EP300: variants seen among roughly 807,000 people sequenced by gnomAD.
EP300 encodes the protein histone acetyltransferase p300.
EP300 carries 31 observed loss-of-function variants against 264.0 expected under a neutral mutation model. The observed-to-expected ratio is 0.12, with a 90% CI of 0.09 to 0.16. The LOEUF (loss-of-function observed/expected upper bound fraction) is 0.16, where lower values mean the gene tolerates loss of function less well. EP300 is among the 10% of genes least tolerant of loss of function. EP300 has a pLI of 1.00. For missense variants in EP300, 2,766 were observed against 3,052.9 expected (o/e 0.91, Z 2.21); for synonymous variants, 1,340 against 1,045.4 (o/e 1.28, Z -5.44).
At chr22:41,135,944 C>G (rs2058948364) in intron 7 of EP300, 38 bp downstream of exon 7, 1 of 1,401,828 alleles carries the variant, frequency 7.1e-7, no homozygotes, top group Non-Finnish European at 1.0e-6. Context: ...GGTCACATTA[C>G]AAATACTACT....
rs2145744430 is a variant in EP300, at chr22:41,154,975, A to G, written c.3143-20A>G. ...CTGCTTAATTGGTAACTAATTTCAA[A>G]TGCACTTTTTTTTTTTAAGTTTTCA... On this transcript the variant is annotated intron_variant, in intron 16 of 30. Transcript: ENST00000263253. 1 of 1,520,358 alleles carries G rather than the reference A, an allele frequency of 6.6e-7. No individual in the cohort carries two copies. Among genetic ancestry groups the G allele is most frequent in the African/African-American group, 1.4e-5 (1 of 73,204 alleles). 94.2% of individuals were successfully genotyped at this position (1,520,358 alleles called of 1,614,324 possible).
chr22:41,126,101 T>G, intron 3 of EP300, 61 bp downstream of exon 3: 1 of 1,551,292 alleles, frequency 6.4e-7, no homozygotes, highest in Non-Finnish European at 8.9e-7. Flanking sequence ...AGAATTGTGT[T>G]AAACTTTCAC....
intron 1 of EP300, among the ~76,000 whole-genome samples, chr22:41,102,139 A>G (rs763335075): frequency 2.6e-5 from 4 of 151,906 alleles, no homozygotes; most frequent in African/African-American, 4.8e-5. Flanking sequence ...AGAGTTGACA[A>G]GATGGCAGTT....
rs2145752464 is a variant in EP300, at chr22:41,160,686, G to C, written c.3635G>C (p.Ser1212Thr). Residue 1212 changes from serine (S) to threonine (T), a missense_variant, in exon 20 of 31, where the codon AGC becomes ACC. Physicochemically the swap from Ser to Thr is moderately conservative, Grantham distance 58. Coordinates refer to ENST00000263253, the MANE Select transcript of EP300 (RefSeq NM_001429.4). ...TGTTTCAATGAGATCCAAGGGGAGA[G>C]CGTTTCTTTGGGGGATGACCCTTCC... ...EKCFNEIQGE[S>T]VSLGDDPSQP... 1 of 1,614,106 alleles carries C rather than the reference G, an allele frequency of 6.2e-7. No homozygotes were observed.
At chr22:41,172,773 C>CT in intron 28 of EP300, 110 bp downstream of exon 28, 1 of 1,188,094 alleles carries the variant, frequency 8.4e-7, no homozygotes, top group Non-Finnish European at 1.2e-6. Flanking sequence ...TAAAAGAGCT[C>CT]TTTAAGTTGG....
At chr22:41,108,848 T>A (rs995217656) in intron 1 of EP300, among the ~76,000 whole-genome samples, 1 of 152,226 alleles carries the variant, frequency 6.6e-6, no homozygotes, top group Non-Finnish European at 1.5e-5. Context: ...TTTGTGATAC[T>A]GTTTTTTAAT....
chr22:41,139,441 TTATTATA>T (rs2058969834), intron 8 of EP300, among the ~76,000 whole-genome samples: 1 of 152,206 alleles, frequency 6.6e-6, no homozygotes, highest in African/African-American at 2.4e-5. Flanking sequence ...CGTTAAAAGT[TTATTATA>T]TATGCTCGAG....
intron 1 of EP300, among the ~76,000 whole-genome samples, chr22:41,095,935 A>C (rs1191570588): frequency 6.6e-6 from 1 of 152,204 alleles, no homozygotes; most frequent in Non-Finnish European, 1.5e-5. Flanking sequence ...ATTGCTGTTT[A>C]ATACTCAGAT....
Position 41,167,578 on chromosome 22 carries a change from GTGTGTGTATATATATATATATA to G in EP300, c.3875-869_3875-848del, listed in dbSNP as rs1269239707. 9.0e-4 allele frequency among the ~76,000 whole-genome samples: 25 copies of G among 27,688 alleles called. No individual in the cohort carries two copies. In the South Asian group the frequency reaches 0.011, roughly 12 times the overall value. 18.2% of individuals were successfully genotyped at this position (27,688 alleles called of 152,430 possible). ...TATATATTTGTGTGTGTGTGTGTGT[GTGTGTGTATATATATATATATA>G]TATATATATATATATATATATATAT... is the stretch of plus-strand genomic sequence containing the variant. On this transcript the variant is annotated intron_variant, in intron 23 of 30. Coordinates refer to ENST00000263253, the MANE Select transcript of EP300 (RefSeq NM_001429.4).
chr22:41,178,597 G>A lies in EP300; in HGVS notation c.6886G>A (p.Gly2296Ser). 8 of 1,614,034 alleles carry A rather than the reference G, an allele frequency of 5.0e-6. No individual in the cohort carries two copies. Among genetic ancestry groups the A allele is most frequent in the Non-Finnish European group, 6.8e-6 (8 of 1,180,004 alleles). ...TCAGGCCCAGTCCCCACACCTACAAGGCCAGCAGATCCCTAATTCTCTCTC... is the reference window on the plus strand; with the variant it reads ...TCAGGCCCAGTCCCCACACCTACAAAGCCAGCAGATCCCTAATTCTCTCTC... ...PNQAQSPHLQ[G>S]QQIPNSLSNQ... Residue 2296 changes from glycine (G) to serine (S), a missense_variant, in exon 31 of 31, where the codon GGC (glycine) becomes AGC (serine). Gly to Ser is a moderately conservative substitution (Grantham distance 56). Coordinates refer to ENST00000263253, the MANE Select transcript of EP300 (RefSeq NM_001429.4).
intron 1 of EP300, among the ~76,000 whole-genome samples, chr22:41,114,411 G>T (rs146119739): frequency 6.6e-6 from 1 of 152,146 alleles, no homozygotes; most frequent in African/African-American, 2.4e-5. Context: ...TGCTGAGCTC[G>T]AGCCGTCTGC....
intron 5 of EP300, among the ~76,000 whole-genome samples, chr22:41,130,553 CAAAA>C (rs887249753): frequency 1.4e-5 from 2 of 147,492 alleles, no homozygotes; most frequent in Non-Finnish European, 1.5e-5. Context: ...CAAAACAAAA[CAAAA>C]AAAACAACTG....
intron 29 of EP300, 104 bp from the exon 30 acceptor site, chr22:41,176,143 C>T (rs1361463932): frequency 2.2e-6 from 3 of 1,348,644 alleles, no homozygotes; most frequent in Non-Finnish European, 3.1e-6. Context: ...TTGCTTGAGC[C>T]CAGGAGGCAG....
At chr22:41,170,953 G>A (rs1357591140) in intron 27 of EP300, among the ~76,000 whole-genome samples, 55 of 145,352 alleles carry the variant, frequency 3.8e-4, no homozygotes, top group Non-Finnish European at 7.2e-4. Flanking sequence ...ATGAGCCACC[G>A]TGCCCAGCCT....
chr22:41,149,293 AAT>A lies in EP300; in HGVS notation c.2379+120_2379+121del, dbSNP rs2059029600. 9.5e-6 allele frequency: 12 copies of A among 1,262,382 alleles called. 1 individual carries two copies. The South Asian group carries it at 1.5e-4, about 16-fold the overall frequency. The allele number at this position is 1,262,382 out of a possible 1,614,324, so 78.2% of individuals were successfully genotyped here. On this transcript the variant is annotated intron_variant, in intron 13 of 30. Coordinates refer to ENST00000263253, the MANE Select transcript of EP300 (RefSeq NM_001429.4). ...GGTGAAAACAGATGATTTTTTAAAA[AAT>A]AACAATTTTGGACTTAGGGTATTCT... is the stretch of plus-strand genomic sequence containing the variant.
At chr22:41,106,748 A>T (rs997225701) in intron 1 of EP300, among the ~76,000 whole-genome samples, 2 of 134,052 alleles carry the variant, frequency 1.5e-5, no homozygotes, top group African/African-American at 5.7e-5. Flanking sequence ...TAGCTGCACC[A>T]CCATGCCTGG....
At chr22:41,167,824 T>G (rs2059148043) in intron 23 of EP300, among the ~76,000 whole-genome samples, 3 of 34,002 alleles carry the variant, frequency 8.8e-5, no homozygotes, top group Non-Finnish European at 1.2e-4. Flanking sequence ...GTTTTTTTTT[T>G]TGTTTTTTTT....
chr22:41,177,407 G>T lies in EP300; in HGVS notation c.5696G>T (p.Gly1899Val), dbSNP rs1456530371. The change falls in exon 31 of 31, where the codon GGT becomes GTT. Residue 1899 changes from glycine (G) to valine (V), a missense_variant. Physicochemically the swap from Gly to Val is moderately radical, Grantham distance 109. Coordinates refer to ENST00000263253, the MANE Select transcript of EP300 (RefSeq NM_001429.4). ...RTQAAGPVSQGKAAGQVTPPT... is the reference protein window; with the variant it reads ...RTQAAGPVSQVKAAGQVTPPT... ...CAAGCTGCTGGCCCTGTGTCCCAGG[G>T]TAAGGCAGCAGGCCAGGTGACCCCT... 1.2e-6 allele frequency: 2 copies of T among 1,614,120 alleles called. No individual in the cohort carries two copies. Among genetic ancestry groups the T allele is most frequent in the Non-Finnish European group, 1.7e-6 (2 of 1,180,034 alleles).
chr22:41,162,113 A>C (rs1457715575), intron 20 of EP300, among the ~76,000 whole-genome samples: 1 of 152,172 alleles, frequency 6.6e-6, no homozygotes, highest in African/African-American at 2.4e-5. Context: ...GTCTATTTCT[A>C]ACTCCCAGAT....
Sources: gnomAD v4.1 joint callset for allele counts (sites outside exome capture counted in the v4.1 genomes callset) on GRCh38, gnomAD v4.1.1 for gene constraint, MANE v1.5 for transcripts, NCBI Gene and HGNC (gene_info 2026-07-23, HGNC 2026-07-21) for gene names.